Variants in RPS6KC1 observed in about 807,000 individuals in gnomAD.
RPS6KC1 encodes the protein ribosomal protein S6 kinase C1, also known as inactive ribosomal protein S6 kinase delta-1.
Under a neutral mutation model 103.8 loss-of-function variants are expected in RPS6KC1, and 54 were observed. That is an observed-to-expected ratio of 0.52 (90% CI 0.42 to 0.65). The LOEUF (loss-of-function observed/expected upper bound fraction) is 0.65. Among genes scored for constraint, RPS6KC1 ranks in the 30% least tolerant of loss-of-function variants. The pLI is 0.00. For missense variants in RPS6KC1, 1,151 were observed against 1,253.8 expected (o/e 0.92, Z 1.24); for synonymous variants, 439 against 438.7 (o/e 1.00, Z -0.01).
chr1:213,497,379 A>G, the RPS6KC1 span, among the ~76,000 whole-genome samples: 1 of 151,978 alleles, frequency 6.6e-6, no homozygotes, highest in Non-Finnish European at 1.5e-5. Context: ...ACTTAAGGAA[A>G]AAAAAAAACA....
chr1:213,810,034 A>G, the RPS6KC1 span, among the ~76,000 whole-genome samples: 4 of 152,112 alleles, frequency 2.6e-5, no homozygotes, highest in African/African-American at 4.8e-5. Flanking sequence ...ACCTCTCTCT[A>G]TCCACCATGA....
chr1:213,622,199 AT>A, the RPS6KC1 span, among the ~76,000 whole-genome samples: 1 of 149,974 alleles, frequency 6.7e-6, no homozygotes, highest in Non-Finnish European at 1.5e-5. Context: ...CAATAATGGA[AT>A]TTTAGGCATT....
chr1:213,450,498 G>A, the RPS6KC1 span, among the ~76,000 whole-genome samples: 2 of 152,040 alleles, frequency 1.3e-5, no homozygotes, highest in Admixed American at 1.3e-4. Flanking sequence ...TTCTTGTGTG[G>A]GTGCCTGTGG....
the RPS6KC1 span, among the ~76,000 whole-genome samples, chr1:213,682,481 C>CAT: frequency 6.6e-6 from 1 of 152,160 alleles, no homozygotes; most frequent in South Asian, 2.1e-4. Context: ...TGGAATAAAT[C>CAT]ATTAAAAGGG....
intron 1 of RPS6KC1, among the ~76,000 whole-genome samples, chr1:213,069,387 T>C (rs986310149): frequency 2.6e-5 from 4 of 152,332 alleles, no homozygotes; most frequent in Middle Eastern, 6.8e-3. Flanking sequence ...CAGGAAACTT[T>C]TAAATTATAG....
At chr1:213,566,464 T>G in the RPS6KC1 span, among the ~76,000 whole-genome samples, 18 of 43,104 alleles carry the variant, frequency 4.2e-4, no homozygotes, top group East Asian at 1.1e-3. Context: ...TTTTTTTTTT[T>G]TTTTTTTTTT....
the RPS6KC1 span, among the ~76,000 whole-genome samples, chr1:213,689,006 G>A: frequency 1.3e-5 from 2 of 152,224 alleles, no homozygotes; most frequent in African/African-American, 4.8e-5. Flanking sequence ...TGGAGAGAAG[G>A]GGATAAGAGT....
At chr1:213,671,024 C>A in the RPS6KC1 span, among the ~76,000 whole-genome samples, 1 of 152,184 alleles carries the variant, frequency 6.6e-6, no homozygotes, top group Non-Finnish European at 1.5e-5. Flanking sequence ...AGGAGCCATT[C>A]ATGTGGCTTT....
At chr1:213,707,028 T>C in the RPS6KC1 span, among the ~76,000 whole-genome samples, 2 of 152,224 alleles carry the variant, frequency 1.3e-5, no homozygotes, top group African/African-American at 4.8e-5. Flanking sequence ...TGTGTCTTTA[T>C]AGTACAGTGA....
chr1:213,299,577 C>T, the RPS6KC1 span, among the ~76,000 whole-genome samples: 2 of 144,486 alleles, frequency 1.4e-5, no homozygotes, highest in East Asian at 2.0e-4. Context: ...AAAAATATGT[C>T]GTGAGCCACA....
At chr1:213,287,859 G>A in the RPS6KC1 span, among the ~76,000 whole-genome samples, 1 of 152,176 alleles carries the variant, frequency 6.6e-6, no homozygotes, top group East Asian at 1.9e-4. Context: ...TCTTGGCTAA[G>A]TCTAGAACTT....
At chr1:213,116,608 G>T (rs1366716771) in intron 4 of RPS6KC1, among the ~76,000 whole-genome samples, 6 of 150,120 alleles carry the variant, frequency 4.0e-5, no homozygotes, top group Admixed American at 2.7e-4. Flanking sequence ...ATGTTAGCTG[G>T]TTATTTTGCT....
intron 6 of RPS6KC1, among the ~76,000 whole-genome samples, chr1:213,163,535 A>T (rs759619310): frequency 3.9e-5 from 6 of 152,180 alleles, no homozygotes; most frequent in Non-Finnish European, 8.8e-5. Context: ...TTCCTCCAGC[A>T]TGGCTTTTCT....
At chr1:213,425,185 G>A in the RPS6KC1 span, among the ~76,000 whole-genome samples, 1 of 152,034 alleles carries the variant, frequency 6.6e-6, no homozygotes. Context: ...GGAACAAATG[G>A]TTGACAAATA....
chr1:213,855,005 C>T, the RPS6KC1 span, among the ~76,000 whole-genome samples: 7 of 152,214 alleles, frequency 4.6e-5, no homozygotes, highest in African/African-American at 1.4e-4. Flanking sequence ...TCCTCCTGGC[C>T]GGCTTTCACA....
chr1:213,530,621 CA>C, the RPS6KC1 span, among the ~76,000 whole-genome samples: 2 of 152,224 alleles, frequency 1.3e-5, no homozygotes, highest in African/African-American at 2.4e-5. Context: ...TCCTGGAATG[CA>C]TATGGTCCTA....
At chr1:213,488,064 T>C in the RPS6KC1 span, among the ~76,000 whole-genome samples, 2 of 152,222 alleles carry the variant, frequency 1.3e-5, no homozygotes, top group Admixed American at 1.3e-4. Flanking sequence ...CCAGTTTCTC[T>C]CTCTGTGTAT....
the RPS6KC1 span, among the ~76,000 whole-genome samples, chr1:213,491,559 A>AACAAACAC: frequency 6.6e-6 from 1 of 152,112 alleles, no homozygotes; most frequent in South Asian, 2.1e-4. Flanking sequence ...CAAACAAACA[A>AACAAACAC]ACAAACAAAC....
the RPS6KC1 span, among the ~76,000 whole-genome samples, chr1:213,568,554 C>G: frequency 6.6e-6 from 1 of 152,192 alleles, no homozygotes; most frequent in Non-Finnish European, 1.5e-5. Flanking sequence ...GTCAGACCAA[C>G]AGGTAAGGGA....
Sources: gnomAD v4.1 joint callset for allele counts (sites outside exome capture counted in the v4.1 genomes callset) on GRCh38, gnomAD v4.1.1 for gene constraint, MANE v1.5 for transcripts, NCBI Gene and HGNC (gene_info 2026-07-23, HGNC 2026-07-21) for gene names.